The following NAMPT variants were observed in gnomAD, a reference collection of about 807,000 sequenced individuals.
NAMPT encodes nicotinamide phosphoribosyltransferase.
NAMPT carries 7 observed loss-of-function variants against 58.7 expected under a neutral mutation model. That is an observed-to-expected ratio of 0.12 (90% CI 0.07 to 0.22). The LOEUF (loss-of-function observed/expected upper bound fraction) is 0.22. Among genes scored for constraint, NAMPT ranks in the 10% least tolerant of loss-of-function variants. The probability of loss-of-function intolerance (pLI) is 1.00; values close to 1 mark genes in which losing one functional copy is unlikely to be tolerated. For synonymous variants in NAMPT, 145 were observed against 198.1 expected, an observed-to-expected ratio of 0.73 and a Z score of 2.25; for missense variants, 271 against 567.9, an observed-to-expected ratio of 0.48 and a Z score of 5.31.
At chr7:106,282,446 T>C (rs556530064) in intron 1 of NAMPT, among the ~76,000 whole-genome samples, 21 of 152,354 alleles carry the variant, frequency 1.4e-4, no homozygotes, top group African/African-American at 5.1e-4. Flanking sequence ...AGAAGCAACC[T>C]ACACCGGACA....
chr7:106,266,478 C>T (rs10246071), intron 6 of NAMPT, among the ~76,000 whole-genome samples: 1,815 of 152,262 alleles, frequency 0.012, 42 homozygotes, highest in African/African-American at 0.042. Context: ...GTTAAAGACA[C>T]TCTTATTTTC....
chr7:106,266,935 C>G (rs1337164787), intron 6 of NAMPT, among the ~76,000 whole-genome samples: 1 of 152,182 alleles, frequency 6.6e-6, no homozygotes, highest in African/African-American at 2.4e-5. Context: ...CCTTACTAAC[C>G]TGAACCTGTC....
chr7:106,261,773 A>G, intron 7 of NAMPT, 66 bp from the exon 8 acceptor site: 1 of 1,485,860 alleles, frequency 6.7e-7, no homozygotes, highest in Non-Finnish European at 9.2e-7. Flanking sequence ...GAGCTTTTCA[A>G]AGTTAAATGA....
chr7:106,270,887 A>G (rs1191917412), intron 4 of NAMPT, among the ~76,000 whole-genome samples: 1 of 152,228 alleles, frequency 6.6e-6, no homozygotes, highest in Non-Finnish European at 1.5e-5. Flanking sequence ...GCTTTAAGCC[A>G]TTAAGTTTTG....
intron 5 of NAMPT, among the ~76,000 whole-genome samples, 161 bp from the exon 6 acceptor site, chr7:106,268,761 CAA>C (rs977369460): frequency 6.6e-6 from 1 of 152,182 alleles, no homozygotes; most frequent in African/African-American, 2.4e-5. Context: ...TTCCTAATGA[CAA>C]AGATTCAGTT....
At chr7:106,261,856 A>C in intron 7 of NAMPT, 149 bp from the exon 8 acceptor site, 1 of 794,102 alleles carries the variant, frequency 1.3e-6, no homozygotes, top group Non-Finnish European at 2.0e-6. Context: ...TATGCTCTCT[A>C]AAATTTGGTC....
chr7:106,269,062 A>C, intron 5 of NAMPT, 92 bp downstream of exon 5: 2 of 1,219,540 alleles, frequency 1.6e-6, no homozygotes, highest in Non-Finnish European at 2.3e-6. Context: ...TTTAGAACCA[A>C]GATCAATCTC....
chr7:106,254,893 G>C (rs1446675244), intron 8 of NAMPT, among the ~76,000 whole-genome samples: 1 of 152,162 alleles, frequency 6.6e-6, no homozygotes, highest in Admixed American at 6.5e-5. Context: ...CAATTTACTA[G>C]ACTCTAGGAA....
rs867576340 is a variant in NAMPT at position 106,267,870 on chromosome 7, A to C, written c.743+594T>G. On this transcript the variant is annotated intron_variant, in intron 6 of 10. Transcript: ENST00000222553. The stretch of plus-strand genomic sequence containing the variant: ...AAAAAAAAAAAAAAAAAAAAAAAAA[A>C]AAAAAACAACCTGATTTACTTTTAA... 4.9e-3 allele frequency among the ~76,000 whole-genome samples: 666 copies of C among 136,482 alleles called. 30 individuals are homozygous for C. The highest frequency in any genetic ancestry group is 0.018 in the African/African-American group (638 of 35,282). The allele number at this position is 136,482 out of a possible 152,430, so 89.5% of individuals were successfully genotyped here.
intron 10 of NAMPT, among the ~76,000 whole-genome samples, chr7:106,252,547 T>A (rs1221597437): frequency 6.6e-6 from 1 of 152,022 alleles, no homozygotes; most frequent in Non-Finnish European, 1.5e-5. Context: ...AAACCAAAAA[T>A]TTTTTAACTT....
Position 106,261,693 on chromosome 7 carries a change from T to G in NAMPT, c.984A>C (p.Leu328Phe), listed in dbSNP as rs538245525. ...LDTVLKVLEI[L>F]GKKFPVTENS... Reference sequence around the variant, plus strand: ...TCTCAGTAACAGGAAACTTCTTACCTAAAATCTCCAAAACCTATATGGAAA... The same window carrying G: ...TCTCAGTAACAGGAAACTTCTTACCGAAAATCTCCAAAACCTATATGGAAA... The change falls in exon 8 of 11, where the codon TTA becomes TTC. Residue 328 changes from leucine (L) to phenylalanine (F), a missense_variant. By Grantham distance (22) the Leu-to-Phe change is conservative (BLOSUM62 0). Transcript: ENST00000222553. The G allele has an allele frequency of 6.2e-7, 1 of 1,606,262 alleles. No homozygotes were observed. Among genetic ancestry groups the G allele is most frequent in the Admixed American group, 1.7e-5 (1 of 59,986 alleles).
intron 1 of NAMPT, among the ~76,000 whole-genome samples, chr7:106,282,858 A>G (rs889993384): frequency 6.6e-6 from 1 of 152,250 alleles, no homozygotes; most frequent in Non-Finnish European, 1.5e-5. Context: ...AGCACTGATA[A>G]GGATATGTAA....
chr7:106,271,230 T>TG (rs1792527499), intron 4 of NAMPT, among the ~76,000 whole-genome samples: 1 of 152,204 alleles, frequency 6.6e-6, no homozygotes, highest in Non-Finnish European at 1.5e-5. Context: ...TTATACATTT[T>TG]TCACTTTTAT....
chr7:106,275,941 A>ATCTC (rs1792629003), intron 2 of NAMPT: 1 of 152,316 alleles, frequency 6.6e-6, no homozygotes, highest in African/African-American at 2.4e-5. Flanking sequence ...AGCAGGAAGG[A>ATCTC]TCTCTGGAGC....
intron 7 of NAMPT, among the ~76,000 whole-genome samples, chr7:106,262,755 T>C (rs1041359365): frequency 6.6e-6 from 1 of 152,124 alleles, no homozygotes; most frequent in Non-Finnish European, 1.5e-5. Flanking sequence ...TTTTCTTCTA[T>C]AACAGAGACA....
At chr7:106,260,245 CT>C (rs993546661) in intron 8 of NAMPT, among the ~76,000 whole-genome samples, 1 of 152,250 alleles carries the variant, frequency 6.6e-6, no homozygotes, top group Non-Finnish European at 1.5e-5. Flanking sequence ...GCTAGATCTT[CT>C]GGGTAACTTG....
chr7:106,284,639 C>A lies in NAMPT; in HGVS notation c.57+189G>T, dbSNP rs1792832167. On this transcript the variant is annotated intron_variant, in intron 1 of 10. Coordinates refer to ENST00000222553, the MANE Select transcript of NAMPT (RefSeq NM_005746.3). ...GCCCTCCATCCTCCTCAAGCCACCT[C>A]CTGCCCACTGCGGCGCCTCCTCACC... 9.3e-6 allele frequency: 5 copies of A among 534,886 alleles called. No individual in the cohort carries two copies. In the South Asian group the frequency reaches 3.3e-4, roughly 36 times the overall value. 33.1% of individuals were successfully genotyped at this position (534,886 alleles called of 1,614,324 possible).
At position 106,261,585 on chromosome 7, in the gene NAMPT, TACCTCTTG is replaced by T; in HGVS notation, c.1084_1089+2del. On this transcript the variant is annotated splice_donor_variant and coding_sequence_variant, in exon 8 of 11. Coordinates refer to ENST00000222553, the MANE Select transcript of NAMPT (RefSeq NM_005746.3). LOFTEE classifies it high-confidence loss of function. ...ATTGAAACTTTTAATATAAAACACA[TACCTCTTG>T]TAAGGTATTAATATCTACTCCATCC... 6.4e-7 allele frequency: 1 copy of T among 1,556,430 alleles called. No homozygotes were observed. Among genetic ancestry groups the T allele is most frequent in the Non-Finnish European group, 8.8e-7 (1 of 1,135,576 alleles).
chr7:106,260,093 C>T (rs757743944), intron 8 of NAMPT, among the ~76,000 whole-genome samples: 1 of 152,140 alleles, frequency 6.6e-6, no homozygotes, highest in African/African-American at 2.4e-5. Context: ...CTGCATTATC[C>T]ACTAATGAGA....
Sources: gnomAD v4.1 joint callset for allele counts (sites outside exome capture counted in the v4.1 genomes callset) on GRCh38, gnomAD v4.1.1 for gene constraint, MANE v1.5 for transcripts, NCBI Gene and HGNC (gene_info 2026-07-23, HGNC 2026-07-21) for gene names.